The following PCDH15 variants were observed in gnomAD, a reference collection of about 807,000 sequenced individuals.
PCDH15 encodes the protein protocadherin related 15.
In PCDH15, 129 loss-of-function variants were observed where a neutral mutation model predicts 178.5. The ratio of observed to expected loss-of-function variants is 0.72; its 90% confidence interval spans 0.63 to 0.84. PCDH15 has a LOEUF of 0.84. Ranked by LOEUF, PCDH15 falls within the 40% of genes least tolerant of loss-of-function variation. PCDH15 has a pLI of 0.00. For missense variants in PCDH15, 2,230 were observed against 2,099.9 expected, an observed-to-expected ratio of 1.06 and a Z score of -1.21; for synonymous variants, 800 against 732.0, an observed-to-expected ratio of 1.09 and a Z score of -1.50.
At chr10:55,512,410 A>G (rs1486287918) in intron 2 of PCDH15, among the ~76,000 whole-genome samples, 1 of 152,056 alleles carries the variant, frequency 6.6e-6, no homozygotes, top group East Asian at 1.9e-4. Context: ...CAGTGTTTTT[A>G]GCTACTAAAA....
intron 15 of PCDH15, among the ~76,000 whole-genome samples, chr10:54,096,612 T>C (rs1163424397): frequency 6.6e-6 from 1 of 152,168 alleles, no homozygotes; most frequent in Non-Finnish European, 1.5e-5. Context: ...CCTTTTGTGG[T>C]CTGCAGACAG....
chr10:53,829,368 G>C (rs1454171203), intron 30 of PCDH15, among the ~76,000 whole-genome samples: 2 of 152,124 alleles, frequency 1.3e-5, no homozygotes, highest in Non-Finnish European at 2.9e-5. Flanking sequence ...AGACTACCTT[G>C]TATAACATCC....
Position 53,959,720 on chromosome 10 carries a change from A to C in PCDH15, c.3122+12T>G. On this transcript the variant is annotated intron_variant, in intron 23 of 37. Coordinates refer to ENST00000644397, the MANE Select transcript of PCDH15 (RefSeq NM_001384140.1). ...CATTTCGTGTATTTCAAAATCGGAC[A>C]GAAATCAATACCTATATTCCTCCTG... is the stretch of plus-strand genomic sequence containing the variant. 1.3e-6 allele frequency: 2 copies of C among 1,590,810 alleles called. No homozygotes were observed. The highest frequency in any genetic ancestry group is 1.7e-6 in the Non-Finnish European group (2 of 1,158,882).
chr10:54,300,895 G>A (rs565885775), intron 8 of PCDH15, among the ~76,000 whole-genome samples: 3 of 152,220 alleles, frequency 2.0e-5, no homozygotes, highest in East Asian at 3.9e-4. Flanking sequence ...AGCTGGCAGC[G>A]GCAACCTGTT....
At chr10:54,414,142 TA>T (rs1265457905) in intron 3 of PCDH15, among the ~76,000 whole-genome samples, 2 of 152,282 alleles carry the variant, frequency 1.3e-5, no homozygotes, top group East Asian at 3.9e-4. Context: ...TGACATGAAC[TA>T]ATTTGAAACC....
chr10:55,285,931 C>T (rs1434531341), intron 1 of PCDH15, among the ~76,000 whole-genome samples: 1 of 151,826 alleles, frequency 6.6e-6, no homozygotes, highest in African/African-American at 2.4e-5. Flanking sequence ...TGATATTTAA[C>T]CTAAATTTGA....
chr10:55,420,225 C>A (rs192395503), intron 2 of PCDH15, among the ~76,000 whole-genome samples: 1 of 151,734 alleles, frequency 6.6e-6, no homozygotes, highest in East Asian at 1.9e-4. Flanking sequence ...TACTGGAGAG[C>A]AGACATTTCC....
At chr10:55,165,110 C>T (rs1839162662) in intron 2 of PCDH15, among the ~76,000 whole-genome samples, 1 of 152,016 alleles carries the variant, frequency 6.6e-6, no homozygotes, top group African/African-American at 2.4e-5. Flanking sequence ...ATCATAAACT[C>T]ACCTGAACTC....
At chr10:55,207,067 G>T (rs538240368) in intron 1 of PCDH15, among the ~76,000 whole-genome samples, 1 of 151,954 alleles carries the variant, frequency 6.6e-6, no homozygotes, top group African/African-American at 2.4e-5. Context: ...TCTAACCCAA[G>T]AATCAAGTAA....
At chr10:54,744,676 G>T (rs1368933646) in intron 1 of PCDH15, among the ~76,000 whole-genome samples, 3 of 152,082 alleles carry the variant, frequency 2.0e-5, no homozygotes, top group Non-Finnish European at 2.9e-5. Context: ...ATAATTAAAA[G>T]ATTCAAAATC....
intron 1 of PCDH15, among the ~76,000 whole-genome samples, chr10:55,283,275 C>T (rs1028479039): frequency 2.6e-5 from 4 of 152,008 alleles, no homozygotes; most frequent in Non-Finnish European, 4.4e-5. Context: ...ACTCAGCGCA[C>T]GAGGACAGCT....
chr10:54,200,269 C>T (rs867516209), intron 10 of PCDH15, among the ~76,000 whole-genome samples: 56 of 106,074 alleles, frequency 5.3e-4, no homozygotes, highest in African/African-American at 1.6e-3. Context: ...ACAGAGCCCA[C>T]TTTTTTTTTT....
At chr10:54,291,534 C>T (rs186874712) in intron 8 of PCDH15, among the ~76,000 whole-genome samples, 3 of 152,032 alleles carry the variant, frequency 2.0e-5, no homozygotes, top group Non-Finnish European at 4.4e-5. Context: ...AATCCAGGAG[C>T]TGGTTTTTTG....
At chr10:53,975,497 T>C (rs1401995003) in intron 21 of PCDH15, among the ~76,000 whole-genome samples, 2 of 152,138 alleles carry the variant, frequency 1.3e-5, no homozygotes, top group African/African-American at 4.8e-5. Flanking sequence ...GGTGGTATTT[T>C]ACTGTGGTTT....
intron 2 of PCDH15, among the ~76,000 whole-genome samples, chr10:55,131,381 T>G (rs1267778355): frequency 2.0e-5 from 3 of 152,162 alleles, no homozygotes; most frequent in African/African-American, 7.2e-5. Context: ...GTCAAAGCCC[T>G]GGCTCAGGGA....
At chr10:54,337,775 C>G (rs1174308370) in intron 6 of PCDH15, among the ~76,000 whole-genome samples, 1 of 152,108 alleles carries the variant, frequency 6.6e-6, no homozygotes, top group Admixed American at 6.5e-5. Context: ...ACAGTCATGA[C>G]TCATCTGTTT....
intron 3 of PCDH15, among the ~76,000 whole-genome samples, chr10:54,501,239 A>T (rs111685586): frequency 0.081 from 12,211 of 151,092 alleles, 480 homozygotes; most frequent in East Asian, 0.11. Flanking sequence ...ATAATAATAA[A>T]AAAAAAAAAG....
chr10:55,486,882 G>A (rs895746278), intron 2 of PCDH15, among the ~76,000 whole-genome samples: 2 of 151,450 alleles, frequency 1.3e-5, no homozygotes, highest in Non-Finnish European at 3.0e-5. Context: ...CCTTTAAGCA[G>A]TTTTACTATG....
intron 8 of PCDH15, among the ~76,000 whole-genome samples, chr10:54,295,911 G>A (rs1005811898): frequency 7.3e-5 from 11 of 151,104 alleles, no homozygotes; most frequent in East Asian, 1.9e-4. Flanking sequence ...TTGGGAGGCC[G>A]AGGCGGGCGG....
Sources: allele counts gnomAD v4.1 joint callset (sites outside exome capture counted in the v4.1 genomes callset), GRCh38; gene constraint gnomAD v4.1.1; transcripts MANE v1.5; gene names NCBI Gene and HGNC (gene_info 2026-07-23, HGNC 2026-07-21).